Variants in GRIA1 observed in about 807,000 individuals in gnomAD.
GRIA1 encodes glutamate receptor 1.
In GRIA1, 31 loss-of-function variants were observed where a neutral mutation model predicts 99.2. The observed-to-expected ratio is 0.31, with a 90% CI of 0.23 to 0.42. The LOEUF (loss-of-function observed/expected upper bound fraction) is 0.42, where lower values mean the gene tolerates loss of function less well. Among genes scored for constraint, GRIA1 ranks in the 10% least tolerant of loss-of-function variants. The pLI, the probability that GRIA1 is intolerant of heterozygous loss-of-function variation, is 1.00. For synonymous variants in GRIA1, 438 were observed against 432.4 expected (o/e 1.01, Z -0.16); for missense variants, 782 against 1,157.5 (o/e 0.68, Z 4.71).
intron 6 of GRIA1, among the ~76,000 whole-genome samples, chr5:153,675,502 T>C (rs1756506084): frequency 6.6e-6 from 1 of 152,210 alleles, no homozygotes; most frequent in Non-Finnish European, 1.5e-5. Context: ...TTTTCTGAAG[T>C]CAAACCAGAT....
chr5:153,604,276 T>C (rs993084248), intron 2 of GRIA1, among the ~76,000 whole-genome samples: 3 of 152,198 alleles, frequency 2.0e-5, no homozygotes. Context: ...CCACACCCAG[T>C]GCCTGTAACT....
chr5:153,810,343 G>T (rs1766731902), intron 15 of GRIA1, among the ~76,000 whole-genome samples: 1 of 152,174 alleles, frequency 6.6e-6, no homozygotes, highest in Admixed American at 6.5e-5. Flanking sequence ...TTTCCAATTA[G>T]ATTTTGCATA....
chr5:153,721,374 A>G (rs1267420538), intron 11 of GRIA1, among the ~76,000 whole-genome samples: 1 of 152,178 alleles, frequency 6.6e-6, no homozygotes, highest in African/African-American at 2.4e-5. Flanking sequence ...TTAAGATATA[A>G]CACACAAATA....
At chr5:153,494,500 A>G (rs1483601155) in intron 2 of GRIA1, among the ~76,000 whole-genome samples, 1 of 152,214 alleles carries the variant, frequency 6.6e-6, no homozygotes, top group Non-Finnish European at 1.5e-5. Context: ...GATAAGAAAT[A>G]ATAGCTGAGA....
chr5:153,547,973 G>T (rs1006037202), intron 2 of GRIA1, among the ~76,000 whole-genome samples: 1 of 152,060 alleles, frequency 6.6e-6, no homozygotes, highest in African/African-American at 2.4e-5. Context: ...CTAGATTTTT[G>T]ACATACCCCA....
At chr5:153,642,268 T>A (rs760649835) in intron 2 of GRIA1, among the ~76,000 whole-genome samples, 7 of 152,196 alleles carry the variant, frequency 4.6e-5, no homozygotes, top group Non-Finnish European at 7.3e-5. Flanking sequence ...GTCGTCAGAC[T>A]GGTAGAGGTC....
intron 6 of GRIA1, among the ~76,000 whole-genome samples, chr5:153,675,859 A>AT (rs11409143): frequency 0.39 from 57,420 of 145,558 alleles, 11,256 homozygotes; most frequent in South Asian, 0.45. Flanking sequence ...ATGTAATTTA[A>AT]TTTTTTTTTT....
At chr5:153,761,036 T>A (rs1763151086) in intron 11 of GRIA1, among the ~76,000 whole-genome samples, 1 of 152,078 alleles carries the variant, frequency 6.6e-6, no homozygotes, top group South Asian at 2.1e-4. Flanking sequence ...TCAAAATGGA[T>A]GAAAGACACA....
rs144526411 is a variant in GRIA1, at chr5:153,612,702, G to A, written c.221-34226G>A. Among the ~76,000 whole-genome samples the A allele has an allele frequency of 6.9e-3, 1,051 of 152,278 alleles. 4 individuals are homozygous for A. Among genetic ancestry groups the A allele is most frequent in the South Asian group, 0.028 (137 of 4,820 alleles). The stretch of plus-strand genomic sequence containing the variant: ...ATCAGAAAAGAACTTTGCATAATCC[G>A]TAAGGGACTTCTTCTACTTCCCATT... On this transcript the variant is annotated intron_variant, in intron 2 of 15. Coordinates refer to ENST00000285900, the MANE Select transcript of GRIA1 (RefSeq NM_000827.4).
chr5:153,674,997 G>C (rs559176748), intron 6 of GRIA1, among the ~76,000 whole-genome samples: 10 of 152,156 alleles, frequency 6.6e-5, no homozygotes, highest in Admixed American at 6.5e-4. Context: ...CTGCCTAATA[G>C]TACAAGAGGG....
intron 2 of GRIA1, among the ~76,000 whole-genome samples, chr5:153,643,008 A>G (rs1036880783): frequency 6.6e-6 from 1 of 152,128 alleles, no homozygotes; most frequent in African/African-American, 2.4e-5. Flanking sequence ...CAACTCCTGC[A>G]GAGTAGTGAT....
intron 2 of GRIA1, among the ~76,000 whole-genome samples, chr5:153,599,139 G>A (rs1229757140): frequency 6.6e-6 from 1 of 152,008 alleles, no homozygotes; most frequent in Non-Finnish European, 1.5e-5. Context: ...ACCTCAGCCT[G>A]CCAAAGTGCT....
chr5:153,500,955 A>T (rs1754957790), intron 2 of GRIA1, among the ~76,000 whole-genome samples: 1 of 152,154 alleles, frequency 6.6e-6, no homozygotes, highest in South Asian at 2.1e-4. Context: ...AATGAAGCTC[A>T]TGGTCTCTGA....
intron 2 of GRIA1, among the ~76,000 whole-genome samples, chr5:153,620,802 G>T (rs563387830): frequency 2.6e-5 from 4 of 152,080 alleles, no homozygotes; most frequent in Non-Finnish European, 5.9e-5. Flanking sequence ...CTCTAATGCT[G>T]GTTCTCTTTC....
At chr5:153,659,382 T>C (rs1373833626) in intron 5 of GRIA1, among the ~76,000 whole-genome samples, 3 of 152,206 alleles carry the variant, frequency 2.0e-5, no homozygotes, top group African/African-American at 7.2e-5. Context: ...TGGAAAGCTA[T>C]GCCACTATCT....
chr5:153,802,254 T>C (rs1457282754), intron 14 of GRIA1, 102 bp from the exon 15 acceptor site: 1 of 907,472 alleles, frequency 1.1e-6, no homozygotes, highest in African/African-American at 1.6e-5. Flanking sequence ...GGGTGTGGGG[T>C]TGTGTGTATG....
At chr5:153,546,916 G>A (rs1322941536) in intron 2 of GRIA1, among the ~76,000 whole-genome samples, 1 of 152,206 alleles carries the variant, frequency 6.6e-6, no homozygotes, top group Non-Finnish European at 1.5e-5. Context: ...CTCCATGAAA[G>A]CAATGTCCTT....
intron 2 of GRIA1, among the ~76,000 whole-genome samples, chr5:153,591,454 C>G (rs1763967588): frequency 6.6e-6 from 1 of 152,182 alleles, no homozygotes; most frequent in South Asian, 2.1e-4. Flanking sequence ...AGGTCAGATC[C>G]TCATTCACAG....
chr5:153,577,856 T>G (rs1762696581), intron 2 of GRIA1, among the ~76,000 whole-genome samples: 1 of 151,944 alleles, frequency 6.6e-6, no homozygotes, highest in Non-Finnish European at 1.5e-5. Flanking sequence ...AAGATAATTG[T>G]AAGATAAAGA....
Sources: allele counts gnomAD v4.1 joint callset (sites outside exome capture counted in the v4.1 genomes callset), GRCh38; gene constraint gnomAD v4.1.1; transcripts MANE v1.5; gene names NCBI Gene and HGNC (gene_info 2026-07-23, HGNC 2026-07-21).